Variants in PCGF6 observed in about 807,000 individuals in gnomAD.
The protein encoded by PCGF6 is polycomb group ring finger 6.
PCGF6 carries 24 observed loss-of-function variants against 45.5 expected under a neutral mutation model. The observed-to-expected ratio is 0.53, with a 90% CI of 0.38 to 0.74. The LOEUF is 0.74. Among genes scored for constraint, PCGF6 ranks in the 30% least tolerant of loss-of-function variants. PCGF6 has a pLI of 0.00. For synonymous variants in PCGF6, 152 were observed against 162.1 expected, an observed-to-expected ratio of 0.94 and a Z score of 0.47; for missense variants, 356 against 443.2, an observed-to-expected ratio of 0.80 and a Z score of 1.77.
At chr10:103,323,635 C>G (rs2093205914) in intron 8 of PCGF6, among the ~76,000 whole-genome samples, 1 of 151,648 alleles carries the variant, frequency 6.6e-6, no homozygotes. Flanking sequence ...TCTTGTCGCC[C>G]AGGTTGGAGT....
chr10:103,311,196 C>T (rs1353209314), intron 9 of PCGF6, among the ~76,000 whole-genome samples: 1 of 152,132 alleles, frequency 6.6e-6, no homozygotes, highest in Non-Finnish European at 1.5e-5. Context: ...GGCTGATGTG[C>T]AGTAGTGCGA....
chr10:103,345,303 G>C (rs1266736410), intron 5 of PCGF6, among the ~76,000 whole-genome samples, 171 bp from the exon 6 acceptor site: 5 of 152,158 alleles, frequency 3.3e-5, no homozygotes, highest in Admixed American at 6.6e-5. Context: ...AGTGAAATGA[G>C]AGGCAAGCCT....
intron 6 of PCGF6, among the ~76,000 whole-genome samples, chr10:103,343,435 C>T (rs962305593): frequency 6.6e-6 from 1 of 151,968 alleles, no homozygotes; most frequent in East Asian, 1.9e-4. Context: ...GCCAGTTAAG[C>T]GTTTGAAAAC....
At chr10:103,309,191 T>C (rs2133554141) in intron 9 of PCGF6, among the ~76,000 whole-genome samples, 2 of 148,028 alleles carry the variant, frequency 1.4e-5, no homozygotes, top group Middle Eastern at 7.1e-3. Flanking sequence ...GGACATGAGA[T>C]TTGGTGGGGG....
intron 6 of PCGF6, among the ~76,000 whole-genome samples, chr10:103,341,603 CT>C (rs752308460): frequency 2.4e-3 from 332 of 141,146 alleles, no homozygotes; most frequent in Non-Finnish European, 2.2e-3. Context: ...CCACATCCAG[CT>C]TTTTTTTTTT....
At chr10:103,349,479 G>GGTTT (rs1554866488) in intron 1 of PCGF6, among the ~76,000 whole-genome samples, 1 of 108,148 alleles carries the variant, frequency 9.2e-6, no homozygotes, top group African/African-American at 3.7e-5. Flanking sequence ...CTTTCTTTCC[G>GGTTT]TTTTTTTTTT....
chr10:103,347,338 G>A (rs759518623), intron 4 of PCGF6, 41 bp from the exon 5 acceptor site: 2 of 1,587,732 alleles, frequency 1.3e-6, no homozygotes, highest in Admixed American at 1.7e-5. Context: ...CACTTAAAAT[G>A]TAACTACTAG....
chr10:103,339,100 G>A (rs1005185332), intron 6 of PCGF6, among the ~76,000 whole-genome samples: 5 of 151,716 alleles, frequency 3.3e-5, no homozygotes, highest in African/African-American at 1.2e-4. Flanking sequence ...TAACTTTTGC[G>A]GTAACATAAA....
intron 8 of PCGF6, among the ~76,000 whole-genome samples, chr10:103,320,879 A>C (rs2093194761): frequency 6.6e-6 from 1 of 152,192 alleles, no homozygotes; most frequent in Non-Finnish European, 1.5e-5. Flanking sequence ...TAACTGGTTC[A>C]AAGAAAGTCA....
chr10:103,318,047 G>A (rs2093182588), intron 8 of PCGF6, among the ~76,000 whole-genome samples: 3 of 150,264 alleles, frequency 2.0e-5, no homozygotes, highest in African/African-American at 4.9e-5. Flanking sequence ...ATGAGCCACC[G>A]CACCCAGCTG....
intron 8 of PCGF6, among the ~76,000 whole-genome samples, chr10:103,319,876 G>A (rs2093190475): frequency 6.6e-6 from 1 of 152,044 alleles, no homozygotes; most frequent in East Asian, 1.9e-4. Context: ...TGCGATCTCG[G>A]CTCACCGCAA....
intron 8 of PCGF6, among the ~76,000 whole-genome samples, chr10:103,324,909 C>T (rs991107380): frequency 8.6e-5 from 13 of 151,042 alleles, no homozygotes; most frequent in East Asian, 3.9e-4. Context: ...CCGAGGTAGG[C>T]GGATCACCTG....
chr10:103,315,648 C>T (rs1017314229), intron 8 of PCGF6, among the ~76,000 whole-genome samples: 17 of 152,118 alleles, frequency 1.1e-4, no homozygotes, highest in East Asian at 9.7e-4. Context: ...CGTGAGCCAC[C>T]GTGCCCGGCC....
Position 103,321,514 on chromosome 10 carries a change from T to C in PCGF6, c.909+5020A>G, listed in dbSNP as rs892235963. On this transcript the variant is annotated intron_variant, in intron 8 of 9. Coordinates refer to ENST00000369847, the MANE Select transcript of PCGF6 (RefSeq NM_001011663.2). Reference sequence around the variant, plus strand: ...GGATCACGAGGTCAGGAGATCGAGATCATCCTGGCTAAATGGTGAAACCCT... The same window carrying C: ...GGATCACGAGGTCAGGAGATCGAGACCATCCTGGCTAAATGGTGAAACCCT... Among the ~76,000 whole-genome samples the C allele has an allele frequency of 1.7e-4, 26 of 152,078 alleles. No individual in the cohort carries two copies. In the South Asian group the frequency reaches 1.9e-3, roughly 11 times the overall value.
intron 8 of PCGF6, 112 bp from the exon 9 acceptor site, chr10:103,314,384 T>C: frequency 1.5e-6 from 1 of 648,038 alleles, no homozygotes; most frequent in Non-Finnish European, 2.6e-6. Flanking sequence ...TGTAATTTTA[T>C]TTTAGACTGA....
chr10:103,346,549 A>T (rs2093300217), intron 5 of PCGF6, among the ~76,000 whole-genome samples: 1 of 150,190 alleles, frequency 6.7e-6, no homozygotes, highest in African/African-American at 2.5e-5. Context: ...GCTTGAGCCC[A>T]GAAGGCGGAG....
chr10:103,336,727 T>C (rs1470091793), intron 6 of PCGF6, among the ~76,000 whole-genome samples: 2 of 152,026 alleles, frequency 1.3e-5, no homozygotes, highest in Non-Finnish European at 2.9e-5. Flanking sequence ...ATACAAAAAT[T>C]AGCCAGGTGT....
chr10:103,325,587 G>A (rs934762729), intron 8 of PCGF6, among the ~76,000 whole-genome samples: 1 of 152,082 alleles, frequency 6.6e-6, no homozygotes, highest in African/African-American at 2.4e-5. Context: ...TAAATGCAAG[G>A]ATGTCCTATA....
chr10:103,344,976 G>T, intron 6 of PCGF6, 48 bp downstream of exon 6: 2 of 1,272,314 alleles, frequency 1.6e-6, no homozygotes, highest in Non-Finnish European at 2.2e-6. Context: ...TTCCTATTAG[G>T]ACTTTTAACA....
Sources: gnomAD v4.1 joint callset for allele counts (sites outside exome capture counted in the v4.1 genomes callset) on GRCh38, gnomAD v4.1.1 for gene constraint, MANE v1.5 for transcripts, NCBI Gene and HGNC (gene_info 2026-07-23, HGNC 2026-07-21) for gene names.